The following PLEKHD1 variants were observed in gnomAD, a reference collection of about 807,000 sequenced individuals.
PLEKHD1 encodes the protein pleckstrin homology and coiled-coil domain containing D1, also known as pleckstrin homology domain-containing family D member 1.
A neutral mutation model predicts 69.2 loss-of-function variants in PLEKHD1; 51 were observed. That is an observed-to-expected ratio of 0.74 (90% CI 0.59 to 0.93). PLEKHD1 has a LOEUF of 0.93. PLEKHD1 is among the 40% of genes least tolerant of loss of function. PLEKHD1 has a pLI of 0.00. For missense variants in PLEKHD1, 584 were observed against 641.0 expected (o/e 0.91, Z 0.96); for synonymous variants, 236 against 244.7 (o/e 0.96, Z 0.33).
rs1432491023 is a variant in PLEKHD1 at position 69,500,041 on chromosome 14, G to A, written c.150-74G>A. 4 of 1,056,932 alleles carry A rather than the reference G, an allele frequency of 3.8e-6. No homozygotes were observed. In the East Asian group the frequency reaches 7.7e-5, roughly 20 times the overall value. 65.5% of individuals were successfully genotyped at this position (1,056,932 alleles called of 1,614,324 possible). A position where few individuals can be genotyped will look rare whatever the true frequency, so the allele number is the denominator to read the frequency against. On this transcript the variant is annotated intron_variant, in intron 1 of 12. Coordinates refer to ENST00000322564, the MANE Select transcript of PLEKHD1 (RefSeq NM_001161498.2). ...TCCCATGTGAGTCCAGGGCCCCCAA[G>A]GGTGCTCTTGTTGTCCCAAGAAACC...
chr14:69,485,320 G>A (rs1250701208), intron 1 of PLEKHD1, among the ~76,000 whole-genome samples: 2 of 152,354 alleles, frequency 1.3e-5, no homozygotes, highest in East Asian at 1.9e-4. Context: ...GCCCTGGGGC[G>A]GTGGCAAATT....
intron 9 of PLEKHD1, 48 bp from the exon 10 acceptor site, chr14:69,526,649 C>A: frequency 6.2e-6 from 9 of 1,444,208 alleles, no homozygotes; most frequent in Non-Finnish European, 8.2e-6. Context: ...CATTGGCAAT[C>A]CCATTTGGCG....
At chr14:69,502,405 C>T (rs1883049352) in intron 5 of PLEKHD1, 3 of 243,676 alleles carry the variant, frequency 1.2e-5, no homozygotes, top group Non-Finnish European at 2.4e-5. Flanking sequence ...TTGCCTTCAG[C>T]CTGGGACCCT....
chr14:69,528,729 TG>T lies in PLEKHD1; in HGVS notation c.*314del, dbSNP rs1156580536. On this transcript the variant is annotated 3_prime_UTR_variant, in exon 13 of 13. Transcript: ENST00000322564. ...GTGGAGATTTGTGTCGGTTAGGGAG[TG>T]GGGTGGGGAGGTGCTGTCTACCACT... 4.6e-5 allele frequency: 17 copies of T among 371,722 alleles called. No homozygotes were observed. The highest frequency in any genetic ancestry group is 8.1e-4 in the Middle Eastern group (1 of 1,230). The allele number at this position is 371,722 out of a possible 1,614,324, so 23.0% of individuals were successfully genotyped here. A position where few individuals can be genotyped will look rare whatever the true frequency, so the allele number is the denominator to read the frequency against.
intron 6 of PLEKHD1, among the ~76,000 whole-genome samples, chr14:69,507,081 G>A (rs1447003685): frequency 1.3e-5 from 2 of 151,636 alleles, no homozygotes; most frequent in African/African-American, 2.4e-5. Context: ...TAGAAGAGAC[G>A]GGGCTTCACC....
chr14:69,506,418 T>C (rs1883152209), intron 6 of PLEKHD1, among the ~76,000 whole-genome samples: 1 of 152,258 alleles, frequency 6.6e-6, no homozygotes, highest in African/African-American at 2.4e-5. Flanking sequence ...CAGCAAGTTC[T>C]GGCTGCTCCA....
At chr14:69,476,257 CAAAA>C in the PLEKHD1 span, among the ~76,000 whole-genome samples, 2 of 77,320 alleles carry the variant, frequency 2.6e-5, no homozygotes, top group African/African-American at 1.0e-4. Flanking sequence ...GACTCTGTCT[CAAAA>C]AAAAAAAAAA....
intron 6 of PLEKHD1, among the ~76,000 whole-genome samples, chr14:69,515,701 G>T (rs1883370077): frequency 6.6e-6 from 1 of 152,156 alleles, no homozygotes; most frequent in South Asian, 2.1e-4. Context: ...GAGAGAGCAT[G>T]GGCGCGGGGA....
intron 8 of PLEKHD1, among the ~76,000 whole-genome samples, chr14:69,524,597 G>A (rs557171992): frequency 7.9e-5 from 12 of 152,254 alleles, no homozygotes; most frequent in African/African-American, 2.9e-4. Context: ...CACCTCTGGT[G>A]CTTACATTTT....
chr14:69,517,843 G>A (rs2756966), intron 6 of PLEKHD1, among the ~76,000 whole-genome samples: 103,763 of 151,742 alleles, frequency 0.68, 36,641 homozygotes, highest in Admixed American at 0.8. Context: ...ACCTCACACC[G>A]CATACCTGCC....
At chr14:69,502,062 A>G (rs1297555033) in intron 5 of PLEKHD1, 5 of 420,974 alleles carry the variant, frequency 1.2e-5, no homozygotes, top group Non-Finnish European at 2.1e-5. Context: ...CAGCTTCATC[A>G]TTTGTCACCC....
At position 69,522,457 on chromosome 14, in the gene PLEKHD1, G is replaced by A. The variant is rs1209021218; in HGVS notation, c.650+80G>A. 2.1e-6 allele frequency: 3 copies of A among 1,422,444 alleles called. No homozygotes were observed. The Admixed American group carries it at 6.1e-5, about 29-fold the overall frequency. The allele number at this position is 1,422,444 out of a possible 1,614,324, so 88.1% of individuals were successfully genotyped here. ...CACCTTCCCCGTCAGATCTGAGGAG[G>A]CCTCCACCTCAGAGATGCTATCTTC... On this transcript the variant is annotated intron_variant, in intron 7 of 12. Coordinates refer to ENST00000322564, the MANE Select transcript of PLEKHD1 (RefSeq NM_001161498.2).
chr14:69,518,152 C>A lies in PLEKHD1; in HGVS notation c.556-4131C>A, dbSNP rs188688302. ...ACTCAAGGGATCCTCCTGCCTCAGC[C>A]CCTCAAGTAGCTGGAACTACTACAG... is the stretch of plus-strand genomic sequence containing the variant. On this transcript the variant is annotated intron_variant, in intron 6 of 12. Coordinates refer to ENST00000322564, the MANE Select transcript of PLEKHD1 (RefSeq NM_001161498.2). Among the ~76,000 whole-genome samples, 358 of 152,162 alleles carry A rather than the reference C, an allele frequency of 2.4e-3. 1 individual carries two copies. The highest frequency in any genetic ancestry group is 8.3e-3 in the African/African-American group (343 of 41,506).
At chr14:69,472,590 A>C in the PLEKHD1 span, among the ~76,000 whole-genome samples, 4 of 152,196 alleles carry the variant, frequency 2.6e-5, no homozygotes, top group African/African-American at 9.7e-5. Context: ...CTAAGATTAT[A>C]ATACTGTATT....
chr14:69,478,825 A>G, the PLEKHD1 span, among the ~76,000 whole-genome samples: 1 of 152,152 alleles, frequency 6.6e-6, no homozygotes, highest in South Asian at 2.1e-4. Context: ...TCTTCTTCTG[A>G]GCCCTCCAAA....
intron 6 of PLEKHD1, among the ~76,000 whole-genome samples, chr14:69,511,578 C>T (rs1013425348): frequency 3.9e-5 from 6 of 151,954 alleles, no homozygotes; most frequent in African/African-American, 1.5e-4. Context: ...GAGACAGAGT[C>T]TTGCTCTGTC....
intron 1 of PLEKHD1, among the ~76,000 whole-genome samples, chr14:69,494,960 G>A (rs1317849109): frequency 2.0e-5 from 3 of 152,050 alleles, no homozygotes; most frequent in African/African-American, 7.2e-5. Flanking sequence ...CCAGGCCATC[G>A]TCCTCCTCCT....
intron 7 of PLEKHD1, among the ~76,000 whole-genome samples, chr14:69,524,004 A>G (rs993230441): frequency 6.6e-6 from 1 of 152,142 alleles, no homozygotes; most frequent in African/African-American, 2.4e-5. Flanking sequence ...TGACAGATGC[A>G]TGTGTACCTG....
chr14:69,524,668 G>A (rs1883600651), intron 8 of PLEKHD1, among the ~76,000 whole-genome samples: 1 of 152,148 alleles, frequency 6.6e-6, no homozygotes, highest in African/African-American at 2.4e-5. Context: ...TCCTTCTTGT[G>A]TCTTGTTCGC....
Sources: allele counts gnomAD v4.1 joint callset (sites outside exome capture counted in the v4.1 genomes callset), GRCh38; gene constraint gnomAD v4.1.1; transcripts MANE v1.5; gene names NCBI Gene and HGNC (gene_info 2026-07-23, HGNC 2026-07-21).